Variants in PLCB1 observed in about 807,000 individuals in gnomAD.
PLCB1 encodes phospholipase C beta 1.
A neutral mutation model predicts 161.8 loss-of-function variants in PLCB1; 46 were observed. The observed-to-expected ratio is 0.28, with a 90% confidence interval of 0.22 to 0.36. The LOEUF (loss-of-function observed/expected upper bound fraction) is 0.36. Ranked by LOEUF, PLCB1 falls within the 10% of genes least tolerant of loss-of-function variation. The pLI is 1.00. For synonymous variants in PLCB1, 517 were observed against 503.7 expected (o/e 1.03, Z -0.35); for missense variants, 1,016 against 1,472.5 (o/e 0.69, Z 5.07).
Position 8,348,299 on chromosome 20 carries a change from T to C in PLCB1, c.178-23083T>C, listed in dbSNP as rs73591740. Reference sequence around the variant, plus strand: ...ACAAACATGCACGAAGGAAGGTACTTCCTCTAGATAGAGGGACCTTGTGAG... The same window carrying C: ...ACAAACATGCACGAAGGAAGGTACTCCCTCTAGATAGAGGGACCTTGTGAG... On this transcript the variant is annotated intron_variant, in intron 2 of 31. Transcript: ENST00000338037. Among the ~76,000 whole-genome samples, 720 of 152,306 alleles carry C rather than the reference T, an allele frequency of 4.7e-3. 8 individuals carry two copies. The highest frequency in any genetic ancestry group is 0.017 in the African/African-American group (687 of 41,560).
chr20:8,181,309 G>T (rs912308917), intron 2 of PLCB1, among the ~76,000 whole-genome samples: 1 of 150,326 alleles, frequency 6.7e-6, no homozygotes, highest in African/African-American at 2.4e-5. Flanking sequence ...TGTCAGAATT[G>T]TAACAGTGCT....
intron 9 of PLCB1, 57 bp downstream of exon 9, chr20:8,658,761 C>A: frequency 7.0e-7 from 1 of 1,428,952 alleles, no homozygotes; most frequent in East Asian, 2.4e-5. Context: ...GGGGTAGTCA[C>A]ACGCTGGGAG....
chr20:8,284,702 C>G (rs974167496), intron 2 of PLCB1, among the ~76,000 whole-genome samples: 1 of 152,156 alleles, frequency 6.6e-6, no homozygotes, highest in Admixed American at 6.6e-5. Context: ...ACATTGATAA[C>G]ATTTCATAAC....
intron 31 of PLCB1, among the ~76,000 whole-genome samples, chr20:8,869,143 A>G (rs1009701149): frequency 6.6e-6 from 1 of 152,228 alleles, no homozygotes; most frequent in Non-Finnish European, 1.5e-5. Context: ...TATTTCAAAT[A>G]CAATAGTAAC....
intron 3 of PLCB1, among the ~76,000 whole-genome samples, chr20:8,546,631 C>T (rs78898649): frequency 2.6e-5 from 4 of 152,040 alleles, no homozygotes; most frequent in Non-Finnish European, 5.9e-5. Context: ...GACCTTGCTG[C>T]AAAAATAAGT....
At chr20:8,646,789 A>G (rs1989182246) in intron 5 of PLCB1, among the ~76,000 whole-genome samples, 1 of 152,246 alleles carries the variant, frequency 6.6e-6, no homozygotes, top group Non-Finnish European at 1.5e-5. Context: ...AAATTGTTTG[A>G]CCAAGGAAAA....
At chr20:8,157,693 T>C (rs980899166) in intron 2 of PLCB1, among the ~76,000 whole-genome samples, 1 of 152,238 alleles carries the variant, frequency 6.6e-6, no homozygotes, top group African/African-American at 2.4e-5. Context: ...TTACAAGTTC[T>C]TCTTAGAGGA....
intron 31 of PLCB1, among the ~76,000 whole-genome samples, chr20:8,807,790 G>T (rs989963474): frequency 1.3e-5 from 2 of 151,970 alleles, no homozygotes; most frequent in Non-Finnish European, 2.9e-5. Context: ...TTTGAAATGT[G>T]GCTGATGCAA....
Position 8,480,631 on chromosome 20 carries a change from T to C in PLCB1, c.246+109181T>C, listed in dbSNP as rs115343288. Among the ~76,000 whole-genome samples the C allele has an allele frequency of 7.8e-3, 1,185 of 152,288 alleles. 21 individuals carry two copies. Among genetic ancestry groups the C allele is most frequent in the African/African-American group, 0.027 (1,109 of 41,560 alleles). Reference sequence around the variant, plus strand: ...GTTTCCTGTCAAGTCCTCCAGGTACTATCCAGATGCTCCCCCAGGATCTGA... The same window carrying C: ...GTTTCCTGTCAAGTCCTCCAGGTACCATCCAGATGCTCCCCCAGGATCTGA... On this transcript the variant is annotated intron_variant, in intron 3 of 31. Transcript: ENST00000338037.
At chr20:8,595,020 A>C (rs1987283587) in intron 3 of PLCB1, among the ~76,000 whole-genome samples, 1 of 152,222 alleles carries the variant, frequency 6.6e-6, no homozygotes, top group Non-Finnish European at 1.5e-5. Flanking sequence ...GTATATATAG[A>C]CTACATAACA....
intron 2 of PLCB1, among the ~76,000 whole-genome samples, chr20:8,209,860 A>G (rs1294338379): frequency 2.6e-5 from 4 of 152,056 alleles, no homozygotes; most frequent in African/African-American, 7.2e-5. Context: ...AGCCACTTCA[A>G]TTTTACTCAC....
At chr20:8,369,619 G>A (rs892402539) in intron 2 of PLCB1, among the ~76,000 whole-genome samples, 17 of 152,180 alleles carry the variant, frequency 1.1e-4, no homozygotes, top group Admixed American at 1.0e-3. Context: ...GGGGAACTGT[G>A]GCACCAGTCA....
intron 7 of PLCB1, chr20:8,651,768 C>T: frequency 2.5e-6 from 1 of 392,338 alleles, no homozygotes; most frequent in Non-Finnish European, 4.6e-6. Flanking sequence ...GACTGGAGAA[C>T]TACTATTGAG....
At chr20:8,814,218 A>G (rs1322636878) in intron 31 of PLCB1, among the ~76,000 whole-genome samples, 1 of 152,224 alleles carries the variant, frequency 6.6e-6, no homozygotes, top group East Asian at 1.9e-4. Context: ...ACAACAGCCC[A>G]AGATGAAGAG....
At chr20:8,533,360 T>A (rs6417665) in intron 3 of PLCB1, among the ~76,000 whole-genome samples, 1 of 149,616 alleles carries the variant, frequency 6.7e-6, no homozygotes, top group East Asian at 2.0e-4. Flanking sequence ...ATGATTTATA[T>A]TCCTTTGGGT....
intron 3 of PLCB1, among the ~76,000 whole-genome samples, chr20:8,375,353 A>G (rs955873357): frequency 6.6e-6 from 1 of 152,210 alleles, no homozygotes; most frequent in African/African-American, 2.4e-5. Flanking sequence ...GCTTTTAAAA[A>G]AAGTGTTTAT....
At chr20:8,407,557 G>A (rs1600380285) in intron 3 of PLCB1, among the ~76,000 whole-genome samples, 3 of 152,278 alleles carry the variant, frequency 2.0e-5, no homozygotes, top group South Asian at 2.1e-4. Flanking sequence ...TGATAAACTC[G>A]TCAGATCTCT....
intron 3 of PLCB1, among the ~76,000 whole-genome samples, chr20:8,619,443 GAA>G (rs1988120515): frequency 6.6e-6 from 1 of 151,370 alleles, no homozygotes; most frequent in African/African-American, 2.4e-5. Context: ...AAGAAAAAAA[GAA>G]AAAGATAAGT....
At position 8,658,530 on chromosome 20, in the gene PLCB1, G is replaced by C. The variant is rs1600230967; in HGVS notation, c.696-8G>C. 6.3e-7 allele frequency: 1 copy of C among 1,579,126 alleles called. No individual in the cohort carries two copies. Among genetic ancestry groups the C allele is most frequent in the Non-Finnish European group, 8.6e-7 (1 of 1,166,444 alleles). ...AATTCTTATTGCTTGGTTTTTCATT[G>C]TTTTTAGTGGTGCAAAAAGCAAACC... On this transcript the variant is annotated splice_polypyrimidine_tract_variant and splice_region_variant and intron_variant, in intron 8 of 31. Coordinates refer to ENST00000338037, the MANE Select transcript of PLCB1 (RefSeq NM_015192.4).
Sources: gnomAD v4.1 joint callset for allele counts (sites outside exome capture counted in the v4.1 genomes callset) on GRCh38, gnomAD v4.1.1 for gene constraint, MANE v1.5 for transcripts, NCBI Gene and HGNC (gene_info 2026-07-23, HGNC 2026-07-21) for gene names.